The following MAP7 variants were observed in gnomAD, a reference collection of about 807,000 sequenced individuals.
MAP7 encodes microtubule associated protein 7.
Under a neutral mutation model 94.8 loss-of-function variants are expected in MAP7, and 52 were observed. That is an observed-to-expected ratio of 0.55 (90% CI 0.44 to 0.69). MAP7 has a LOEUF of 0.69. Ranked by LOEUF, MAP7 falls within the 30% of genes least tolerant of loss-of-function variation. The probability of loss-of-function intolerance (pLI) is 0.00; values close to 1 mark genes in which losing one functional copy is unlikely to be tolerated. For synonymous variants in MAP7, 350 were observed against 357.0 expected (o/e 0.98, Z 0.22); for missense variants, 940 against 964.6 (o/e 0.97, Z 0.34).
At chr6:136,525,811 AAGGGTGGAGCTAATGCATACCTTTT>A (rs1222540071) in intron 1 of MAP7, 1 of 1,529,766 alleles carries the variant, frequency 6.5e-7, no homozygotes, top group Admixed American at 2.0e-5. Context: ...GCTCCGACCA[AAGGGTGGAGCTAATGCATACCTTTT>A]GGTCTTCTGG....
At chr6:136,547,567 C>A (rs1432709154) in intron 1 of MAP7, among the ~76,000 whole-genome samples, 13 of 152,030 alleles carry the variant, frequency 8.6e-5, no homozygotes, top group Admixed American at 8.5e-4. Flanking sequence ...AAACTTGTTT[C>A]CAAGGCAATT....
At chr6:136,526,237 T>G in intron 1 of MAP7, 6 of 1,167,278 alleles carry the variant, frequency 5.1e-6, no homozygotes, top group East Asian at 5.3e-5. Flanking sequence ...GCACATGCGC[T>G]GGTGATTGCT....
At chr6:136,505,277 G>A (rs183914769) in intron 1 of MAP7, among the ~76,000 whole-genome samples, 11,093 of 52,030 alleles carry the variant, frequency 0.21, 1,220 homozygotes, top group Middle Eastern at 0.3. Flanking sequence ...GTGTGTGTGT[G>A]TATATATATA....
chr6:136,428,493 C>T (rs1023842990), intron 1 of MAP7, among the ~76,000 whole-genome samples: 7 of 152,038 alleles, frequency 4.6e-5, no homozygotes, highest in Admixed American at 1.3e-4. Flanking sequence ...GCACTCCACC[C>T]TGGGTGACAG....
At chr6:136,495,457 C>G (rs1346744844) in intron 1 of MAP7, among the ~76,000 whole-genome samples, 2 of 112,438 alleles carry the variant, frequency 1.8e-5, no homozygotes, top group African/African-American at 5.9e-5. Flanking sequence ...TGAGAATACA[C>G]ACACACACAC....
At chr6:136,485,583 G>A (rs1470271323) in intron 1 of MAP7, among the ~76,000 whole-genome samples, 3 of 76,844 alleles carry the variant, frequency 3.9e-5, no homozygotes, top group African/African-American at 7.4e-5. Flanking sequence ...TTTTTTTTGA[G>A]ACGGAGTCTC....
chr6:136,394,848 T>G (rs905214631), intron 3 of MAP7, among the ~76,000 whole-genome samples: 2 of 146,496 alleles, frequency 1.4e-5, no homozygotes, highest in Non-Finnish European at 3.0e-5. Flanking sequence ...CTGTCTTACT[T>G]CTAAGACAGT....
chr6:136,418,198 T>G (rs1211677536), intron 2 of MAP7, among the ~76,000 whole-genome samples: 1 of 152,094 alleles, frequency 6.6e-6, no homozygotes, highest in African/African-American at 2.4e-5. Flanking sequence ...GAGGGACTTC[T>G]GTAATGTGGT....
intron 1 of MAP7, among the ~76,000 whole-genome samples, chr6:136,522,844 A>G (rs546610004): frequency 2.1e-4 from 32 of 152,350 alleles, no homozygotes; most frequent in African/African-American, 7.5e-4. Flanking sequence ...TCACCTGGGC[A>G]ACATAGCAAG....
chr6:136,539,037 A>G (rs756111157), intron 1 of MAP7, among the ~76,000 whole-genome samples: 9 of 152,132 alleles, frequency 5.9e-5, no homozygotes, highest in Admixed American at 1.3e-4. Flanking sequence ...TGCCTTCACT[A>G]TGGAGAGCTT....
At chr6:136,537,023 C>T (rs1281733252) in intron 1 of MAP7, among the ~76,000 whole-genome samples, 6 of 152,192 alleles carry the variant, frequency 3.9e-5, no homozygotes, top group Admixed American at 1.3e-4. Context: ...TGAAGACTTA[C>T]TTGCTACTGT....
chr6:136,547,390 A>G (rs1298953930), intron 1 of MAP7, among the ~76,000 whole-genome samples: 1 of 152,226 alleles, frequency 6.6e-6, no homozygotes, highest in Non-Finnish European at 1.5e-5. Flanking sequence ...AGGCTATCAG[A>G]CTAGGAAATT....
intron 1 of MAP7, among the ~76,000 whole-genome samples, chr6:136,503,087 A>G (rs1820279316): frequency 6.6e-6 from 1 of 152,208 alleles, no homozygotes; most frequent in African/African-American, 2.4e-5. Flanking sequence ...AATGCTAATC[A>G]GGCCCAAGGA....
rs1324712247 is a variant in MAP7 at position 136,365,994 on chromosome 6, A to G, written c.1014T>C (p.His338=). The change falls in exon 10 of 18, where the codon CAT becomes CAC. Residue 338 remains histidine, a synonymous_variant. Transcript: ENST00000354570. ...RLWLPSKSLP[H]LPGTPRPTSS... Reference sequence around the variant, plus strand: ...ATGTCGGTCTGGGTGTGCCAGGCAAATGAGGAAGAGACTTGGACGGAAGCC... The same window carrying G: ...ATGTCGGTCTGGGTGTGCCAGGCAAGTGAGGAAGAGACTTGGACGGAAGCC... The G allele has an allele frequency of 1.9e-6, 3 of 1,611,850 alleles. No individual in the cohort carries two copies. Among genetic ancestry groups the G allele is most frequent in the Admixed American group, 3.3e-5 (2 of 60,024 alleles).
At chr6:136,448,645 T>C (rs1800096519) in intron 1 of MAP7, among the ~76,000 whole-genome samples, 1 of 151,874 alleles carries the variant, frequency 6.6e-6, no homozygotes, top group Non-Finnish European at 1.5e-5. Flanking sequence ...GATCTCCTGA[T>C]CTCGTGATCT....
At chr6:136,367,705 C>A (rs1322190758) in intron 8 of MAP7, among the ~76,000 whole-genome samples, 2 of 152,160 alleles carry the variant, frequency 1.3e-5, no homozygotes, top group African/African-American at 4.8e-5. Flanking sequence ...TGCTCAACCA[C>A]CATTTCTCCC....
intron 16 of MAP7, among the ~76,000 whole-genome samples, chr6:136,355,966 T>C (rs1790794757): frequency 6.6e-6 from 1 of 152,192 alleles, no homozygotes; most frequent in Admixed American, 6.6e-5. Flanking sequence ...TGTTAGCAAC[T>C]GTCTGGTTCT....
At chr6:136,523,345 A>G (rs1320431052) in intron 1 of MAP7, among the ~76,000 whole-genome samples, 1 of 152,218 alleles carries the variant, frequency 6.6e-6, no homozygotes, top group Non-Finnish European at 1.5e-5. Context: ...TAACAATGCT[A>G]CAGACCAGAA....
intron 2 of MAP7, among the ~76,000 whole-genome samples, chr6:136,418,435 G>A (rs1234227453): frequency 6.6e-6 from 1 of 152,084 alleles, no homozygotes; most frequent in Non-Finnish European, 1.5e-5. Context: ...GGTTGGTCTC[G>A]AACTCCTGGC....
Sources: allele counts gnomAD v4.1 joint callset (sites outside exome capture counted in the v4.1 genomes callset), GRCh38; gene constraint gnomAD v4.1.1; transcripts MANE v1.5; gene names NCBI Gene and HGNC (gene_info 2026-07-23, HGNC 2026-07-21).